PIWIL1: variants seen among roughly 807,000 people sequenced by gnomAD.
PIWIL1 encodes piwi like RNA-mediated gene silencing 1.
A neutral mutation model predicts 114.4 loss-of-function variants in PIWIL1; 73 were observed. That is an observed-to-expected ratio of 0.64 (90% CI 0.53 to 0.78). The LOEUF is 0.78. PIWIL1 is among the 30% of genes least tolerant of loss of function. The pLI, the probability that PIWIL1 is intolerant of heterozygous loss-of-function variation, is 0.00. For synonymous variants in PIWIL1, 375 were observed against 369.0 expected (o/e 1.02, Z -0.19); for missense variants, 723 against 1,063.1 (o/e 0.68, Z 4.45).
At chr12:130,400,374 C>T in the PIWIL1 span, among the ~76,000 whole-genome samples, 1 of 152,178 alleles carries the variant, frequency 6.6e-6, no homozygotes, top group African/African-American at 2.4e-5. Context: ...TGTTGATAAC[C>T]TCCTCAGACA....
At chr12:130,401,609 G>A in the PIWIL1 span, among the ~76,000 whole-genome samples, 3 of 151,672 alleles carry the variant, frequency 2.0e-5, no homozygotes, top group East Asian at 2.0e-4. Flanking sequence ...TTCTCTCACC[G>A]GCTCCATTAT....
At chr12:130,394,476 C>A in the PIWIL1 span, among the ~76,000 whole-genome samples, 1 of 152,124 alleles carries the variant, frequency 6.6e-6, no homozygotes, top group African/African-American at 2.4e-5. Flanking sequence ...TATCTTTTTT[C>A]TTTTAATATG....
At chr12:130,338,676 G>T (rs200566944) in intron 1 of PIWIL1, among the ~76,000 whole-genome samples, 1 of 88,002 alleles carries the variant, frequency 1.1e-5, no homozygotes, top group Admixed American at 1.1e-4. Context: ...CCGGGTGCGG[G>T]GGCGAGGTCC....
chr12:130,419,040 C>T, the PIWIL1 span, among the ~76,000 whole-genome samples: 9 of 152,162 alleles, frequency 5.9e-5, no homozygotes, highest in Non-Finnish European at 1.0e-4. This position sits in a 1 kb window ranked among gnomAD's most constrained non-coding sequence, Gnocchi z 4.3. Context: ...TCAGCGTATG[C>T]GGTGACTCCA....
In PIWIL1 at chr12:130,371,765, T is replaced by C. The variant is rs1037047888; in HGVS notation, c.*167T>C. On this transcript the variant is annotated 3_prime_UTR_variant, in exon 21 of 21. Coordinates refer to ENST00000245255, the MANE Select transcript of PIWIL1 (RefSeq NM_004764.5). ...CATTGCTATTCACCGGCTTCCTTAT[T>C]TTATACGTAAAAATTAAGATTTTAT... is the stretch of plus-strand genomic sequence containing the variant. The C allele has an allele frequency of 1.1e-5, 5 of 441,766 alleles. No homozygotes were observed. Among genetic ancestry groups the C allele is most frequent in the Non-Finnish European group, 2.0e-5 (5 of 249,462 alleles). The allele number at this position is 441,766 out of a possible 1,614,324, so 27.4% of individuals were successfully genotyped here. A position where few individuals can be genotyped will look rare whatever the true frequency, so the allele number is the denominator to read the frequency against.
the PIWIL1 span, chr12:130,424,211 T>C: frequency 8.1e-7 from 1 of 1,231,888 alleles, no homozygotes; most frequent in African/African-American, 1.6e-5. This position sits in a 1 kb window ranked among gnomAD's most constrained non-coding sequence, Gnocchi z 9.8. Flanking sequence ...CGGGCATGGT[T>C]ATGCTTTTCT....
the PIWIL1 span, chr12:130,425,168 A>G: frequency 3.8e-6 from 1 of 266,252 alleles, no homozygotes; most frequent in Middle Eastern, 1.1e-3. Context: ...ATCAGGCCCC[A>G]CAGTGCCCAC....
At chr12:130,411,808 C>T in the PIWIL1 span, among the ~76,000 whole-genome samples, 3 of 151,860 alleles carry the variant, frequency 2.0e-5, no homozygotes, top group South Asian at 2.1e-4. Context: ...TGAAACAATG[C>T]GTTTATTAAT....
At chr12:130,347,175 G>C in intron 6 of PIWIL1, 113 bp downstream of exon 6, 1 of 795,516 alleles carries the variant, frequency 1.3e-6, no homozygotes, top group South Asian at 1.7e-5. Context: ...GGATTATTGA[G>C]TTTCTCTGTA....
Position 130,356,964 on chromosome 12 carries a change from G to T in PIWIL1, c.1451G>T (p.Gly484Val). 1 of 1,612,898 alleles carries T rather than the reference G, an allele frequency of 6.2e-7. No individual in the cohort carries two copies. The highest frequency in any genetic ancestry group is 8.5e-7 in the Non-Finnish European group (1 of 1,179,308). The change falls in exon 13 of 21, where the codon GGT becomes GTT. Residue 484 changes from glycine (G) to valine (V), a missense_variant. This residue lies in a region of PIWIL1 where 298 missense variants were observed against 420.8 expected (regional missense o/e 0.71). Transcript: ENST00000245255. Reference protein sequence around the residue: ...QFADWSKETRGAPLISVKPLD... With the variant: ...QFADWSKETRVAPLISVKPLD... ...GCAGATTGGTCCAAAGAAACAAGAG[G>T]TGCACCATTAATTAGTGTTAAGCCA...
the PIWIL1 span, among the ~76,000 whole-genome samples, chr12:130,409,125 T>C: frequency 2.0e-5 from 3 of 152,134 alleles, no homozygotes; most frequent in African/African-American, 7.2e-5. Context: ...GAAGTCAAAC[T>C]TACATACACG....
the PIWIL1 span, among the ~76,000 whole-genome samples, chr12:130,423,000 G>T: frequency 1.3e-5 from 2 of 152,128 alleles, no homozygotes; most frequent in African/African-American, 2.4e-5. The surrounding 1 kb of genome is among the most constrained non-coding windows in gnomAD (Gnocchi z 5.2). Context: ...GATAAAAGTC[G>T]TATGTGAGGT....
chr12:130,399,112 T>TA, the PIWIL1 span: 1 of 1,383,928 alleles, frequency 7.2e-7, no homozygotes, highest in East Asian at 2.7e-5. Flanking sequence ...GTTGCTCACT[T>TA]ACGTGAAGGC....
At chr12:130,378,397 A>G in the PIWIL1 span, among the ~76,000 whole-genome samples, 4 of 152,178 alleles carry the variant, frequency 2.6e-5, no homozygotes, top group African/African-American at 9.6e-5. Context: ...GATGTTTCCA[A>G]TCTTTGGCTA....
the PIWIL1 span, chr12:130,424,482 G>A: frequency 3.5e-4 from 426 of 1,232,120 alleles, no homozygotes; most frequent in East Asian, 8.2e-4. The surrounding 1 kb of genome is among the most constrained non-coding windows in gnomAD (Gnocchi z 9.8). Flanking sequence ...GCCAAACCGC[G>A]ACTCGTCCTC....
intron 9 of PIWIL1, among the ~76,000 whole-genome samples, chr12:130,353,033 A>G (rs771980824): frequency 6.6e-5 from 10 of 152,214 alleles, no homozygotes; most frequent in Non-Finnish European, 1.3e-4. Flanking sequence ...GAGGGCTTGT[A>G]GTAGGTGGCC....
chr12:130,421,634 C>G, the PIWIL1 span, among the ~76,000 whole-genome samples: 1 of 151,866 alleles, frequency 6.6e-6, no homozygotes, highest in East Asian at 1.9e-4. Flanking sequence ...TCATGCCAAA[C>G]CAAGACGGTT....
intron 19 of PIWIL1, among the ~76,000 whole-genome samples, chr12:130,370,053 C>T (rs898306479): frequency 2.0e-5 from 3 of 152,176 alleles, no homozygotes; most frequent in African/African-American, 4.8e-5. Context: ...TCTTTCTGAA[C>T]AAGTCATTTA....
intron 1 of PIWIL1, among the ~76,000 whole-genome samples, chr12:130,341,694 A>G (rs2072921496): frequency 6.6e-6 from 1 of 152,204 alleles, no homozygotes; most frequent in East Asian, 1.9e-4. Flanking sequence ...AAAGAGTCAC[A>G]CGCTATGTTG....
Sources: allele counts gnomAD v4.1 joint callset (sites outside exome capture counted in the v4.1 genomes callset), GRCh38; gene constraint gnomAD v4.1.1; regional missense constraint gnomAD v4.1.1; non-coding constraint Gnocchi (gnomAD v3.1); transcripts MANE v1.5; gene names NCBI Gene and HGNC (gene_info 2026-07-23, HGNC 2026-07-21).